FER: variants seen among roughly 807,000 people sequenced by gnomAD.
FER encodes the protein FER tyrosine kinase.
FER carries 63 observed loss-of-function variants against 111.0 expected under a neutral mutation model. That is an observed-to-expected ratio of 0.57 (90% CI 0.46 to 0.70). The LOEUF (loss-of-function observed/expected upper bound fraction) is 0.70. Ranked by LOEUF, FER falls within the 30% of genes least tolerant of loss-of-function variation. The pLI, the probability that FER is intolerant of heterozygous loss-of-function variation, is 0.00. For synonymous variants in FER, 327 were observed against 313.9 expected (o/e 1.04, Z -0.44); for missense variants, 914 against 954.0 (o/e 0.96, Z 0.55).
At chr5:109,036,919 T>C (rs1364004344) in intron 13 of FER, among the ~76,000 whole-genome samples, 1 of 152,020 alleles carries the variant, frequency 6.6e-6, no homozygotes, top group Non-Finnish European at 1.5e-5. Flanking sequence ...AGGAGATTAC[T>C]TGGGAAAGAT....
intron 1 of FER, among the ~76,000 whole-genome samples, chr5:108,752,131 C>G (rs1387371541): frequency 6.6e-6 from 1 of 152,102 alleles, no homozygotes; most frequent in Non-Finnish European, 1.5e-5. Context: ...AATTAGGTCA[C>G]AGTTTTAGAA....
chr5:108,951,807 G>A (rs1430605484), intron 11 of FER, among the ~76,000 whole-genome samples: 3 of 148,158 alleles, frequency 2.0e-5, no homozygotes, highest in Non-Finnish European at 3.0e-5. Context: ...TTTTGTTTTT[G>A]CCTCCCAAAA....
intron 13 of FER, among the ~76,000 whole-genome samples, chr5:108,969,267 T>A (rs1760308753): frequency 6.6e-6 from 1 of 152,166 alleles, no homozygotes; most frequent in Non-Finnish European, 1.5e-5. Context: ...ATTAGGAAAC[T>A]GGAAATCATT....
intron 17 of FER, among the ~76,000 whole-genome samples, chr5:109,161,041 A>T (rs1755939278): frequency 1.3e-5 from 2 of 152,130 alleles, no homozygotes; most frequent in Non-Finnish European, 2.9e-5. Flanking sequence ...AGTACTTGTC[A>T]TACATAAACA....
In FER at chr5:108,847,051, G is replaced by GT. The variant is rs1248342587; in HGVS notation, c.481+11247dup. ...CTTCCTTCTGCTTGCTTTAGGCTTA[G>GT]TTTGCACTTTTTCTGTTTTTCTTAA... On this transcript the variant is annotated intron_variant, in intron 5 of 19. Coordinates refer to ENST00000281092, the MANE Select transcript of FER (RefSeq NM_005246.4). Among the ~76,000 whole-genome samples the GT allele has an allele frequency of 2.0e-5, 3 of 150,698 alleles. No homozygotes were observed. The South Asian group carries it at 6.3e-4, about 31-fold the overall frequency.
intron 10 of FER, among the ~76,000 whole-genome samples, chr5:108,913,164 G>A (rs531683578): frequency 6.6e-6 from 1 of 152,242 alleles, no homozygotes; most frequent in East Asian, 1.9e-4. Flanking sequence ...TATACCTACT[G>A]CATCTCTTAT....
chr5:108,808,446 T>C (rs1350459423), intron 3 of FER, among the ~76,000 whole-genome samples: 2 of 152,116 alleles, frequency 1.3e-5, no homozygotes, highest in African/African-American at 4.8e-5. Flanking sequence ...TTTCTGTTTG[T>C]GTGATCTTTC....
At chr5:108,967,794 AG>A (rs1394894832) in intron 13 of FER, among the ~76,000 whole-genome samples, 1 of 150,094 alleles carries the variant, frequency 6.7e-6, no homozygotes, top group African/African-American at 2.5e-5. Flanking sequence ...CAATTAGGAA[AG>A]GGTAGGTATG....
At chr5:108,894,270 A>G (rs1748685599) in intron 9 of FER, 1 of 465,762 alleles carries the variant, frequency 2.1e-6, no homozygotes, top group East Asian at 7.3e-5. Context: ...CTCTTCAAGT[A>G]TTGGGCATTA....
chr5:108,971,001 CAT>C (rs1760573188), intron 13 of FER, among the ~76,000 whole-genome samples: 1 of 152,044 alleles, frequency 6.6e-6, no homozygotes, highest in South Asian at 2.1e-4. Flanking sequence ...CTTCATACCT[CAT>C]ATGTGAGATA....
intron 5 of FER, among the ~76,000 whole-genome samples, chr5:108,844,996 G>A (rs13187432): frequency 0.042 from 1,230 of 29,160 alleles, 55 homozygotes; most frequent in African/African-American, 0.094. Flanking sequence ...GTGTGTGTGT[G>A]TATATATATA....
At chr5:108,975,543 A>T (rs1161450028) in intron 13 of FER, among the ~76,000 whole-genome samples, 1 of 152,158 alleles carries the variant, frequency 6.6e-6, no homozygotes, top group Admixed American at 6.5e-5. Context: ...ATTTCATCCT[A>T]AAGGGTTTGA....
chr5:109,029,107 G>A (rs547921909), intron 13 of FER, among the ~76,000 whole-genome samples: 11 of 152,206 alleles, frequency 7.2e-5, no homozygotes, highest in African/African-American at 2.6e-4. Context: ...ATAGAGATAA[G>A]CAGAAACTGA....
chr5:109,188,465 T>A lies in FER; in HGVS notation c.*890T>A, dbSNP rs1373218821. 6.7e-6 allele frequency: 1 copy of A among 148,226 alleles called. No individual in the cohort carries two copies. The highest frequency in any genetic ancestry group is 1.5e-5 in the Non-Finnish European group (1 of 66,832). 9.2% of individuals were successfully genotyped at this position (148,226 alleles called of 1,614,324 possible). A position where few individuals can be genotyped will look rare whatever the true frequency, so the allele number is the denominator to read the frequency against. On this transcript the variant is annotated 3_prime_UTR_variant, in exon 20 of 20. Coordinates refer to ENST00000281092, the MANE Select transcript of FER (RefSeq NM_005246.4). ...AGTTGAGGCAGTTGCTTTTCAAGGA[T>A]GTACAGAGAGCTGTGAAGCAAGAAA...
intron 13 of FER, among the ~76,000 whole-genome samples, chr5:109,000,686 A>C (rs1764649401): frequency 6.6e-6 from 1 of 152,174 alleles, no homozygotes; most frequent in South Asian, 2.1e-4. Context: ...AGACACAAAA[A>C]ACCCTTCAAA....
intron 17 of FER, among the ~76,000 whole-genome samples, chr5:109,173,167 T>C (rs1275915735): frequency 1.3e-5 from 2 of 152,190 alleles, no homozygotes; most frequent in Non-Finnish European, 2.9e-5. Context: ...AGATAAAAGA[T>C]CCAAAAGCAG....
At chr5:108,934,570 A>G (rs1755185510) in intron 10 of FER, among the ~76,000 whole-genome samples, 2 of 152,150 alleles carry the variant, frequency 1.3e-5, no homozygotes, top group African/African-American at 2.4e-5. Flanking sequence ...ATCAGCAACT[A>G]TATTGGACTC....
intron 9 of FER, among the ~76,000 whole-genome samples, chr5:108,884,415 A>G (rs9326752): frequency 0.22 from 33,835 of 151,710 alleles, 3,949 homozygotes; most frequent in African/African-American, 0.27. Flanking sequence ...TTCTTTTCTG[A>G]GATTAGAGTT....
chr5:108,918,580 G>A (rs933735917), intron 10 of FER, among the ~76,000 whole-genome samples: 6 of 150,996 alleles, frequency 4.0e-5, no homozygotes, highest in South Asian at 2.1e-4. Flanking sequence ...TCCGCCTCCC[G>A]GGTTCACACC....
Sources: gnomAD v4.1 joint callset for allele counts (sites outside exome capture counted in the v4.1 genomes callset) on GRCh38, gnomAD v4.1.1 for gene constraint, MANE v1.5 for transcripts, NCBI Gene and HGNC (gene_info 2026-07-23, HGNC 2026-07-21) for gene names.